Variants in AUTS2 observed in about 807,000 individuals in gnomAD.
AUTS2 encodes autism susceptibility gene 2 protein.
In AUTS2, 17 loss-of-function variants were observed where a neutral mutation model predicts 112.4. The observed-to-expected ratio is 0.15, with a 90% confidence interval of 0.10 to 0.23. The LOEUF is 0.23. Among genes scored for constraint, AUTS2 ranks in the 10% least tolerant of loss-of-function variants. The pLI is 1.00. For synonymous variants in AUTS2, 751 were observed against 702.7 expected, an observed-to-expected ratio of 1.07 and a Z score of -1.09; for missense variants, 1,510 against 1,701.6, an observed-to-expected ratio of 0.89 and a Z score of 1.98.
At chr7:70,161,937 T>C (rs1324595550) in intron 4 of AUTS2, among the ~76,000 whole-genome samples, 2 of 152,184 alleles carry the variant, frequency 1.3e-5, no homozygotes, top group African/African-American at 4.8e-5. Flanking sequence ...AATACATTTA[T>C]GTACAATAGT....
intron 2 of AUTS2, among the ~76,000 whole-genome samples, chr7:70,002,298 A>G (rs1799235369): frequency 6.6e-6 from 1 of 152,174 alleles, no homozygotes; most frequent in African/African-American, 2.4e-5. Context: ...AGAAAAATAT[A>G]GGCGGGGTGG....
intron 5 of AUTS2, among the ~76,000 whole-genome samples, chr7:70,513,593 G>T (rs1053548940): frequency 1.3e-5 from 2 of 151,644 alleles, no homozygotes; most frequent in African/African-American, 2.4e-5. Flanking sequence ...TTAGGAAATT[G>T]TATTAGTCCA....
At chr7:70,187,871 G>A (rs1809691312) in intron 4 of AUTS2, among the ~76,000 whole-genome samples, 1 of 150,704 alleles carries the variant, frequency 6.6e-6, no homozygotes, top group African/African-American at 2.4e-5. Context: ...CAGGTAGCTG[G>A]AAGACATCTT....
chr7:69,904,873 C>G (rs187972716), intron 2 of AUTS2, among the ~76,000 whole-genome samples: 1 of 152,214 alleles, frequency 6.6e-6, no homozygotes, highest in African/African-American at 2.4e-5. Context: ...CTTATGATCT[C>G]TCTTTGGAAT....
intron 15 of AUTS2, chr7:70,782,449 G>A (rs1402391536): frequency 6.6e-6 from 1 of 152,218 alleles, no homozygotes; most frequent in Non-Finnish European, 1.5e-5. Flanking sequence ...AGAGAGTGAC[G>A]ATTATGCTCA....
chr7:70,582,641 G>A (rs1239469274), intron 5 of AUTS2, among the ~76,000 whole-genome samples: 2 of 152,190 alleles, frequency 1.3e-5, no homozygotes, highest in Non-Finnish European at 2.9e-5. Context: ...CAAAGTGTGG[G>A]TAGAATGCTG....
chr7:69,637,986 C>A (rs1249390286), intron 1 of AUTS2, among the ~76,000 whole-genome samples: 1 of 152,128 alleles, frequency 6.6e-6, no homozygotes, highest in Non-Finnish European at 1.5e-5. Context: ...AGAAAAAGAC[C>A]TTTCAGGTCA....
intron 1 of AUTS2, among the ~76,000 whole-genome samples, chr7:69,786,701 G>A (rs537815429): frequency 2.0e-5 from 3 of 152,232 alleles, no homozygotes; most frequent in African/African-American, 2.4e-5. Context: ...TGATCCACCC[G>A]CCTCGGCCTC....
intron 5 of AUTS2, among the ~76,000 whole-genome samples, chr7:70,668,630 C>T (rs1221255788): frequency 6.6e-6 from 1 of 152,232 alleles, no homozygotes; most frequent in Non-Finnish European, 1.5e-5. Flanking sequence ...TAAAACAGAC[C>T]TCCCAGGCTG....
intron 1 of AUTS2, among the ~76,000 whole-genome samples, chr7:69,680,694 C>T (rs146042221): frequency 2.2e-4 from 34 of 152,108 alleles, no homozygotes; most frequent in South Asian, 4.2e-4. Flanking sequence ...TTTTTTGAGA[C>T]GGGCTCTCTG....
At chr7:69,607,144 G>C (rs1792775790) in intron 1 of AUTS2, among the ~76,000 whole-genome samples, 1 of 152,144 alleles carries the variant, frequency 6.6e-6, no homozygotes, top group African/African-American at 2.4e-5. Context: ...ACAAGTACAG[G>C]CTTCTGTGTC....
At chr7:70,583,845 G>A (rs1044900253) in intron 5 of AUTS2, among the ~76,000 whole-genome samples, 1 of 152,246 alleles carries the variant, frequency 6.6e-6, no homozygotes, top group African/African-American at 2.4e-5. Flanking sequence ...TGGCTACCAA[G>A]TGGACAATTA....
Position 70,405,530 on chromosome 7 carries a change from T to C in AUTS2, c.661-30222T>C, listed in dbSNP as rs544633708. The stretch of plus-strand genomic sequence containing the variant: ...CTCAGAACTCCCAAGTGTTATCAGA[T>C]TGATAGAGTCCCAGCATATGATAGA... On this transcript the variant is annotated intron_variant, in intron 4 of 18. Transcript: ENST00000342771. 2.0e-5 allele frequency among the ~76,000 whole-genome samples: 3 copies of C among 152,358 alleles called. No individual in the cohort carries two copies. In the East Asian group the frequency reaches 5.8e-4, roughly 29 times the overall value.
At chr7:69,779,534 A>T (rs1789052960) in intron 1 of AUTS2, among the ~76,000 whole-genome samples, 1 of 151,940 alleles carries the variant, frequency 6.6e-6, no homozygotes, top group Non-Finnish European at 1.5e-5. Context: ...AAGGCCGAGG[A>T]AGGCAGATCA....
intron 1 of AUTS2, among the ~76,000 whole-genome samples, chr7:69,616,749 C>T (rs2129086109): frequency 6.6e-6 from 1 of 152,236 alleles, no homozygotes; most frequent in East Asian, 1.9e-4. Context: ...TGGAGATCCT[C>T]ATGGGCAGTG....
intron 4 of AUTS2, among the ~76,000 whole-genome samples, chr7:70,276,207 A>T (rs1787921190): frequency 6.6e-6 from 1 of 152,210 alleles, no homozygotes; most frequent in East Asian, 1.9e-4. Flanking sequence ...AAGAGTGTAC[A>T]TGAAGTATTT....
rs972283610 is a variant in AUTS2, at chr7:70,499,061, G to A, written c.690+63280G>A. On this transcript the variant is annotated intron_variant, in intron 5 of 18. Transcript: ENST00000342771. Reference sequence around the variant, plus strand: ...ATCTCTCTTTCAGCTCACTTCTACCGTGTTGAGTCTTGCTGGGCACTGAGG... The same window carrying A: ...ATCTCTCTTTCAGCTCACTTCTACCATGTTGAGTCTTGCTGGGCACTGAGG... Among the ~76,000 whole-genome samples the A allele has an allele frequency of 8.5e-5, 13 of 152,264 alleles. No homozygotes were observed. In the East Asian group the frequency reaches 1.4e-3, roughly 16 times the overall value.
intron 5 of AUTS2, among the ~76,000 whole-genome samples, chr7:70,634,935 T>C (rs547964424): frequency 9.2e-5 from 14 of 152,250 alleles, no homozygotes; most frequent in Non-Finnish European, 1.5e-4. Context: ...ACATGGTCCT[T>C]GGTTGCTGGT....
At chr7:69,875,643 G>A (rs962254728) in intron 1 of AUTS2, among the ~76,000 whole-genome samples, 3 of 152,176 alleles carry the variant, frequency 2.0e-5, no homozygotes, top group Admixed American at 6.5e-5. Context: ...TGTAGAAAAT[G>A]TTGGCGACTA....
Sources: gnomAD v4.1 joint callset for allele counts (sites outside exome capture counted in the v4.1 genomes callset) on GRCh38, gnomAD v4.1.1 for gene constraint, MANE v1.5 for transcripts, NCBI Gene and HGNC (gene_info 2026-07-23, HGNC 2026-07-21) for gene names.